The following CDH8 variants were observed in gnomAD, a reference collection of about 807,000 sequenced individuals.
CDH8 encodes the protein cadherin-8.
CDH8 carries 17 observed loss-of-function variants against 68.1 expected under a neutral mutation model. The observed-to-expected ratio is 0.25, with a 90% CI of 0.17 to 0.37. The LOEUF (loss-of-function observed/expected upper bound fraction) is 0.37, where lower values mean the gene tolerates loss of function less well. CDH8 is among the 10% of genes least tolerant of loss of function. The probability of loss-of-function intolerance (pLI) is 1.00; values close to 1 mark genes in which losing one functional copy is unlikely to be tolerated. For synonymous variants in CDH8, 372 were observed against 365.1 expected (o/e 1.02, Z -0.21); for missense variants, 763 against 999.3 (o/e 0.76, Z 3.19).
intron 7 of CDH8, among the ~76,000 whole-genome samples, chr16:61,813,127 A>G (rs1193500331): frequency 6.6e-6 from 1 of 152,186 alleles, no homozygotes; most frequent in Non-Finnish European, 1.5e-5. Flanking sequence ...TACTCTGGTT[A>G]ATTCCACAGA....
intron 1 of CDH8, among the ~76,000 whole-genome samples, chr16:62,031,514 T>C (rs978016872): frequency 1.3e-5 from 2 of 152,156 alleles, no homozygotes; most frequent in African/African-American, 4.8e-5. Context: ...CCATCCATCG[T>C]TCTAGCATTT....
At chr16:61,901,543 T>G in intron 2 of CDH8, 70 bp from the exon 3 acceptor site, 1 of 1,100,320 alleles carries the variant, frequency 9.1e-7, no homozygotes, top group Admixed American at 2.2e-5. Flanking sequence ...TACCTCCTTT[T>G]TGAATATTAA....
chr16:61,860,204 GA>G (rs1306208008), intron 3 of CDH8, among the ~76,000 whole-genome samples: 1 of 152,104 alleles, frequency 6.6e-6, no homozygotes, highest in Non-Finnish European at 1.5e-5. Context: ...CATCATAAGA[GA>G]ACACAGTGTT....
intron 1 of CDH8, among the ~76,000 whole-genome samples, chr16:62,035,295 G>T (rs978319951): frequency 6.6e-6 from 1 of 152,180 alleles, no homozygotes; most frequent in Non-Finnish European, 1.5e-5. Flanking sequence ...GCGCAGGTCT[G>T]GGCTCAGCTG....
chr16:61,921,123 A>T (rs1597067244), intron 2 of CDH8, among the ~76,000 whole-genome samples: 1 of 87,854 alleles, frequency 1.1e-5, no homozygotes, highest in African/African-American at 4.4e-5. Context: ...GGGAGGGGGG[A>T]GGGATAGCAT....
chr16:62,023,444 A>C (rs1902122233), intron 1 of CDH8, among the ~76,000 whole-genome samples: 1 of 152,128 alleles, frequency 6.6e-6, no homozygotes, highest in Non-Finnish European at 1.5e-5. Context: ...AAGTGGCATT[A>C]ATAATAATTC....
intron 9 of CDH8, chr16:61,726,072 G>A (rs1464648259): frequency 6.6e-6 from 1 of 150,604 alleles, no homozygotes; most frequent in Non-Finnish European, 1.5e-5. Context: ...TTCTTTAGGG[G>A]GAAAAAATCT....
At chr16:61,688,367 T>C (rs774488013) in intron 10 of CDH8, among the ~76,000 whole-genome samples, 8 of 152,036 alleles carry the variant, frequency 5.3e-5, no homozygotes, top group Admixed American at 2.0e-4. Flanking sequence ...ACTTAAGATA[T>C]GTACGGTGGC....
intron 10 of CDH8, among the ~76,000 whole-genome samples, chr16:61,689,692 A>C (rs1314078348): frequency 6.6e-6 from 1 of 152,088 alleles, no homozygotes; most frequent in African/African-American, 2.4e-5. Flanking sequence ...CTATGTGTTC[A>C]TTATGATTGC....
At chr16:62,007,069 G>A (rs916214079) in intron 2 of CDH8, among the ~76,000 whole-genome samples, 8 of 151,914 alleles carry the variant, frequency 5.3e-5, no homozygotes, top group African/African-American at 1.2e-4. Flanking sequence ...CACCATGCCC[G>A]GGTAACTTTT....
chr16:61,910,589 A>C (rs1419820757), intron 2 of CDH8, among the ~76,000 whole-genome samples: 2 of 152,198 alleles, frequency 1.3e-5, no homozygotes, highest in African/African-American at 4.8e-5. Context: ...CCTTATTTGC[A>C]AGATAGTTTA....
chr16:61,896,937 A>G (rs1231153893), intron 3 of CDH8, among the ~76,000 whole-genome samples: 1 of 151,928 alleles, frequency 6.6e-6, no homozygotes, highest in Non-Finnish European at 1.5e-5. Flanking sequence ...TAACCTCCCC[A>G]AACTTCATAG....
intron 4 of CDH8, among the ~76,000 whole-genome samples, chr16:61,827,934 T>C (rs919327451): frequency 6.6e-6 from 1 of 151,834 alleles, no homozygotes; most frequent in African/African-American, 2.4e-5. Flanking sequence ...AATAGAATAG[T>C]GTAAGAGGCT....
intron 6 of CDH8, among the ~76,000 whole-genome samples, chr16:61,818,396 C>T (rs1962129666): frequency 6.6e-6 from 1 of 152,042 alleles, no homozygotes; most frequent in South Asian, 2.1e-4. Context: ...AATATGTGCA[C>T]CGATACATAT....
At chr16:61,708,508 G>A (rs1201140437) in intron 10 of CDH8, among the ~76,000 whole-genome samples, 1 of 152,082 alleles carries the variant, frequency 6.6e-6, no homozygotes, top group Non-Finnish European at 1.5e-5. Flanking sequence ...ATGAAAATAT[G>A]AAAACTACAA....
chr16:61,938,202 G>A (rs1424933274), intron 2 of CDH8, among the ~76,000 whole-genome samples: 1 of 152,092 alleles, frequency 6.6e-6, no homozygotes, highest in African/African-American at 2.4e-5. Flanking sequence ...ATCTGTGTAA[G>A]ACATGAGTGG....
Position 61,652,786 on chromosome 16 carries a change from T to A in CDH8, c.*822A>T, listed in dbSNP as rs952067859. 1 of 1,344,162 alleles carries A rather than the reference T, an allele frequency of 7.4e-7. No individual in the cohort carries two copies. The highest frequency in any genetic ancestry group is 1.5e-5 in the African/African-American group (1 of 66,806). The allele number at this position is 1,344,162 out of a possible 1,614,324, so 83.3% of individuals were successfully genotyped here. A position where few individuals can be genotyped will look rare whatever the true frequency, so the allele number is the denominator to read the frequency against. On this transcript the variant is annotated 3_prime_UTR_variant, in exon 12 of 12. Coordinates refer to ENST00000577390, the MANE Select transcript of CDH8 (RefSeq NM_001796.5). Reference sequence around the variant, plus strand: ...TTATTTCGAGGATTAAACAAATAAATTCACGCGCTAGCAATAAAACCATCT... The same window carrying A: ...TTATTTCGAGGATTAAACAAATAAAATCACGCGCTAGCAATAAAACCATCT...
chr16:61,859,585 A>C (rs900608385), intron 3 of CDH8, among the ~76,000 whole-genome samples: 2 of 152,190 alleles, frequency 1.3e-5, no homozygotes, highest in Admixed American at 1.3e-4. Flanking sequence ...AGGAGACCAG[A>C]CTTGTTATGA....
chr16:61,989,989 T>C (rs770667684), intron 2 of CDH8, among the ~76,000 whole-genome samples: 36 of 152,212 alleles, frequency 2.4e-4, no homozygotes, highest in Admixed American at 1.3e-3. Flanking sequence ...TCTCCACAAA[T>C]GGACAAGAAT....
Sources: allele counts gnomAD v4.1 joint callset (sites outside exome capture counted in the v4.1 genomes callset), GRCh38; gene constraint gnomAD v4.1.1; transcripts MANE v1.5; gene names NCBI Gene and HGNC (gene_info 2026-07-23, HGNC 2026-07-21).